HERC4: variants seen among roughly 807,000 people sequenced by gnomAD.
The protein encoded by HERC4 is probable E3 ubiquitin-protein ligase HERC4.
HERC4 carries 28 observed loss-of-function variants against 124.3 expected under a neutral mutation model. The observed-to-expected ratio is 0.23, with a 90% CI of 0.17 to 0.31. HERC4 has a LOEUF of 0.31. HERC4 is among the 10% of genes least tolerant of loss of function. The pLI is 1.00. For synonymous variants in HERC4, 407 were observed against 421.5 expected (o/e 0.97, Z 0.42); for missense variants, 713 against 1,229.3 (o/e 0.58, Z 6.28).
chr10:67,989,027 T>C (rs2036417762), intron 14 of HERC4, among the ~76,000 whole-genome samples, 192 bp from the exon 15 acceptor site: 1 of 152,014 alleles, frequency 6.6e-6, no homozygotes, highest in Non-Finnish European at 1.5e-5. Context: ...TTAAACAATA[T>C]TGTCCGAAAA....
At chr10:68,042,319 T>A (rs1397015211) in intron 4 of HERC4, among the ~76,000 whole-genome samples, 1 of 152,178 alleles carries the variant, frequency 6.6e-6, no homozygotes, top group East Asian at 1.9e-4. Flanking sequence ...TTCTGATTAC[T>A]CTTACGAAAA....
At chr10:68,024,290 A>G (rs1414752152) in intron 8 of HERC4, among the ~76,000 whole-genome samples, 1 of 152,188 alleles carries the variant, frequency 6.6e-6, no homozygotes. Flanking sequence ...TGATAAGTAC[A>G]AGAGCATCAG....
At chr10:67,967,619 G>A (rs2034968055) in intron 15 of HERC4, among the ~76,000 whole-genome samples, 1 of 152,100 alleles carries the variant, frequency 6.6e-6, no homozygotes, top group South Asian at 2.1e-4. Flanking sequence ...ACAGTGGAGA[G>A]CACCATCTTC....
At chr10:67,927,195 T>C (rs1468937599) in intron 23 of HERC4, among the ~76,000 whole-genome samples, 3 of 151,958 alleles carry the variant, frequency 2.0e-5, no homozygotes, top group Non-Finnish European at 4.4e-5. Context: ...GTGAGCATGT[T>C]AGTGGGGAAT....
At chr10:68,052,922 A>T (rs1056024394) in intron 3 of HERC4, among the ~76,000 whole-genome samples, 1 of 152,234 alleles carries the variant, frequency 6.6e-6, no homozygotes, top group Non-Finnish European at 1.5e-5. Flanking sequence ...ACAAAGATAG[A>T]GACTCCAGAC....
chr10:68,027,537 T>G (rs1202167411), intron 7 of HERC4, among the ~76,000 whole-genome samples: 1 of 152,216 alleles, frequency 6.6e-6, no homozygotes, highest in Non-Finnish European at 1.5e-5. Flanking sequence ...TTTCTTAATA[T>G]CAGCTAATAA....
At chr10:67,975,487 T>C (rs771733743) in intron 15 of HERC4, among the ~76,000 whole-genome samples, 4 of 152,036 alleles carry the variant, frequency 2.6e-5, no homozygotes, top group Non-Finnish European at 5.9e-5. Flanking sequence ...GTAGCTGGGA[T>C]TACAGGTGCC....
chr10:67,926,815 C>A (rs1258280244), intron 23 of HERC4, among the ~76,000 whole-genome samples: 3 of 152,196 alleles, frequency 2.0e-5, no homozygotes, highest in Admixed American at 6.5e-5. Context: ...TCAGGCTCCT[C>A]CTTACGCACC....
chr10:68,023,547 A>C (rs1055450054), intron 8 of HERC4, among the ~76,000 whole-genome samples: 2 of 152,084 alleles, frequency 1.3e-5, no homozygotes, highest in African/African-American at 4.8e-5. Context: ...GCCACAAGAG[A>C]GTATGGAGAA....
At chr10:68,045,913 A>G (rs539744633) in intron 3 of HERC4, among the ~76,000 whole-genome samples, 7 of 152,340 alleles carry the variant, frequency 4.6e-5, no homozygotes, top group Admixed American at 3.3e-4. Flanking sequence ...AATTGTATCT[A>G]GATTACTATC....
chr10:68,039,850 GA>G (rs201942942), intron 4 of HERC4: 12 of 978,250 alleles, frequency 1.2e-5, no homozygotes, highest in South Asian at 9.0e-5. Flanking sequence ...AGTATTTTAG[GA>G]AAAAAAAACA....
At chr10:67,988,867 T>G (rs1208746594) in intron 14 of HERC4, 32 bp from the exon 15 acceptor site, 1 of 1,538,366 alleles carries the variant, frequency 6.5e-7, no homozygotes, top group African/African-American at 1.4e-5. Flanking sequence ...GCAAATAAAA[T>G]GAATTTTTTA....
chr10:68,004,192 A>C (rs1279962590), intron 9 of HERC4, among the ~76,000 whole-genome samples: 1 of 152,188 alleles, frequency 6.6e-6, no homozygotes, highest in East Asian at 1.9e-4. Context: ...TGAGATTATT[A>C]GATTTTTCCT....
intron 3 of HERC4, chr10:68,068,823 T>C (rs1463934957): frequency 6.5e-6 from 1 of 153,026 alleles, no homozygotes; most frequent in African/African-American, 2.4e-5. Flanking sequence ...GGTCTCAAGA[T>C]GTGCTAGCCA....
chr10:67,979,885 C>T (rs1032110575), intron 15 of HERC4, among the ~76,000 whole-genome samples: 2 of 150,830 alleles, frequency 1.3e-5, no homozygotes, highest in African/African-American at 2.4e-5. Flanking sequence ...TGCGGTGAGC[C>T]GAGATAGTGC....
intron 9 of HERC4, among the ~76,000 whole-genome samples, chr10:68,002,724 G>A (rs1453358668): frequency 6.7e-6 from 1 of 150,264 alleles, no homozygotes; most frequent in Non-Finnish European, 1.5e-5. Context: ...TCAGCCTCCT[G>A]AGTAGCTTGG....
At chr10:68,013,017 G>A (rs529560789) in intron 9 of HERC4, among the ~76,000 whole-genome samples, 9 of 152,190 alleles carry the variant, frequency 5.9e-5, no homozygotes, top group East Asian at 1.9e-4. Flanking sequence ...CAGGCATGCC[G>A]CATTTTATTG....
intron 8 of HERC4, among the ~76,000 whole-genome samples, chr10:68,015,143 G>A (rs544453238): frequency 1.5e-4 from 23 of 151,448 alleles, no homozygotes; most frequent in African/African-American, 5.1e-4. Flanking sequence ...TCTCAGTTCC[G>A]AGCCTTTGCC....
intron 15 of HERC4, among the ~76,000 whole-genome samples, chr10:67,984,082 A>AT (rs2132673946): frequency 6.6e-6 from 1 of 152,178 alleles, no homozygotes; most frequent in East Asian, 1.9e-4. Context: ...CAGGTGGATC[A>AT]TTTGAGGCCA....
Sources: allele counts gnomAD v4.1 joint callset (sites outside exome capture counted in the v4.1 genomes callset), GRCh38; gene constraint gnomAD v4.1.1; transcripts MANE v1.5; gene names NCBI Gene and HGNC (gene_info 2026-07-23, HGNC 2026-07-21).